Variants in GAREM1 observed in about 807,000 individuals in gnomAD.
The protein encoded by GAREM1 is GRB2 associated regulator of MAPK1 subtype 1, also known as GRB2-associated and regulator of MAPK protein 1.
GAREM1 carries 26 observed loss-of-function variants against 71.3 expected under a neutral mutation model. The ratio of observed to expected loss-of-function variants is 0.36; its 90% CI spans 0.27 to 0.51. The LOEUF is 0.51. GAREM1 is among the 20% of genes least tolerant of loss of function. The pLI, the probability that GAREM1 is intolerant of heterozygous loss-of-function variation, is 0.95. For synonymous variants in GAREM1, 440 were observed against 433.2 expected, an observed-to-expected ratio of 1.02 and a Z score of -0.20; for missense variants, 1,026 against 1,103.1, an observed-to-expected ratio of 0.93 and a Z score of 0.99.
At chr18:32,322,273 C>T (rs1413106630) in intron 2 of GAREM1, among the ~76,000 whole-genome samples, 1 of 152,058 alleles carries the variant, frequency 6.6e-6, no homozygotes, top group Non-Finnish European at 1.5e-5. Context: ...AGAGGTGGTA[C>T]AGAATAGATT....
chr18:32,324,116 G>A (rs1206786762), intron 2 of GAREM1, among the ~76,000 whole-genome samples: 1 of 152,166 alleles, frequency 6.6e-6, no homozygotes, highest in African/African-American at 2.4e-5. Context: ...CTAAAGCTAC[G>A]CTGCCACCGT....
At chr18:32,270,407 G>A (rs1236179943) in intron 4 of GAREM1, 24 bp from the exon 5 acceptor site, 5 of 1,589,518 alleles carry the variant, frequency 3.1e-6, no homozygotes, top group Non-Finnish European at 4.3e-6. Flanking sequence ...GAACACTCCA[G>A]GTTAGCAACA....
chr18:32,356,884 C>T (rs1174885776), intron 2 of GAREM1, among the ~76,000 whole-genome samples: 7 of 152,218 alleles, frequency 4.6e-5, no homozygotes, highest in Admixed American at 1.3e-4. Flanking sequence ...GCTGTTTAAC[C>T]GCCACCCTCC....
rs564561369 is a variant in GAREM1 at position 32,419,537 on chromosome 18, T to C, written c.122-26502A>G. On this transcript the variant is annotated intron_variant, in intron 1 of 5. Coordinates refer to ENST00000269209, the MANE Select transcript of GAREM1 (RefSeq NM_001242409.2). ...GGCCCTCACCAGAACCTGACCATAC[T>C]GGCACTGTGATCCTGGAATGCCAGC... is the stretch of plus-strand genomic sequence containing the variant. Among the ~76,000 whole-genome samples the C allele has an allele frequency of 8.7e-4, 132 of 152,252 alleles. No homozygotes were observed. The South Asian group carries it at 9.9e-3, about 11-fold the overall frequency.
chr18:32,336,903 G>A (rs1015654625), intron 2 of GAREM1, among the ~76,000 whole-genome samples: 5 of 152,140 alleles, frequency 3.3e-5, no homozygotes, highest in African/African-American at 9.7e-5. Context: ...AGGTTGTTAC[G>A]AGGATTAAAT....
chr18:32,442,963 T>G (rs996980475), intron 1 of GAREM1, among the ~76,000 whole-genome samples: 3 of 152,176 alleles, frequency 2.0e-5, no homozygotes, highest in Non-Finnish European at 4.4e-5. Context: ...AATAACTCTA[T>G]GTCAGTAAGT....
At chr18:32,417,427 C>T (rs181664263) in intron 1 of GAREM1, among the ~76,000 whole-genome samples, 6 of 152,284 alleles carry the variant, frequency 3.9e-5, no homozygotes, top group Admixed American at 2.0e-4. Context: ...GCCCATGTTT[C>T]CTGCAGCTCT....
intron 1 of GAREM1, among the ~76,000 whole-genome samples, chr18:32,439,028 A>G (rs563890312): frequency 4.3e-4 from 65 of 152,268 alleles, no homozygotes; most frequent in African/African-American, 1.5e-3. Context: ...GTATATACTG[A>G]TCCTCAATCT....
chr18:32,314,961 C>T (rs1197884615), intron 2 of GAREM1, among the ~76,000 whole-genome samples: 1 of 152,102 alleles, frequency 6.6e-6, no homozygotes, highest in Non-Finnish European at 1.5e-5. Context: ...GGTATACTTT[C>T]ATGAAAACCT....
chr18:32,353,971 A>G (rs145640116), intron 2 of GAREM1, among the ~76,000 whole-genome samples: 73 of 152,348 alleles, frequency 4.8e-4, no homozygotes, highest in African/African-American at 1.6e-3. Flanking sequence ...AGATGATTAC[A>G]AATAAAAGAT....
chr18:32,306,422 T>C (rs754025011), intron 3 of GAREM1, among the ~76,000 whole-genome samples: 3 of 152,026 alleles, frequency 2.0e-5, no homozygotes, highest in Non-Finnish European at 4.4e-5. Context: ...AATCCTTTGT[T>C]ATGGGAGCCT....
At chr18:32,350,543 G>A (rs1172086645) in intron 2 of GAREM1, among the ~76,000 whole-genome samples, 1 of 152,056 alleles carries the variant, frequency 6.6e-6, no homozygotes, top group Non-Finnish European at 1.5e-5. Flanking sequence ...TCAAACTTAT[G>A]ATATTTCTGA....
intron 1 of GAREM1, among the ~76,000 whole-genome samples, chr18:32,422,446 G>C (rs1035952534): frequency 6.6e-6 from 1 of 152,056 alleles, no homozygotes; most frequent in Non-Finnish European, 1.5e-5. Flanking sequence ...TTTCGTATTT[G>C]TAGGTCTGCC....
At chr18:32,275,415 T>C (rs2041526929) in intron 4 of GAREM1, among the ~76,000 whole-genome samples, 1 of 152,184 alleles carries the variant, frequency 6.6e-6, no homozygotes, top group Non-Finnish European at 1.5e-5. Context: ...GAGCTGGCGT[T>C]CTGTTTTGAG....
intron 3 of GAREM1, among the ~76,000 whole-genome samples, chr18:32,299,297 G>A (rs2047175410): frequency 1.3e-5 from 2 of 151,876 alleles, no homozygotes; most frequent in Admixed American, 1.3e-4. Flanking sequence ...GGCGGATCAC[G>A]AGGTCAGGAG....
intron 1 of GAREM1, among the ~76,000 whole-genome samples, chr18:32,450,211 G>A (rs574769838): frequency 1.1e-4 from 16 of 152,252 alleles, no homozygotes; most frequent in African/African-American, 3.6e-4. Context: ...CTTCTGTTCC[G>A]ACTGTAACGG....
intron 1 of GAREM1, among the ~76,000 whole-genome samples, chr18:32,418,487 C>T (rs921149632): frequency 6.6e-6 from 1 of 152,130 alleles, no homozygotes; most frequent in Non-Finnish European, 1.5e-5. Flanking sequence ...CAGACCCACT[C>T]CAAAGGATAA....
At position 32,268,285 on chromosome 18, in the gene GAREM1, G is replaced by A. The variant is rs145805585; in HGVS notation, c.2217C>T (p.Ser739=). ...APKLVEEKVA[S]ETSPLPLKID... is the part of the protein sequence containing the mutation. ...TTTTCAGAGGCAAAGGAGATGTTTC[G>A]GAGGCGACCTTCTCTTCCACTAGTT... The change falls in exon 6 of 6, where the codon TCC becomes TCT. Residue 739 remains serine (S), a synonymous_variant. Coordinates refer to ENST00000269209, the MANE Select transcript of GAREM1 (RefSeq NM_001242409.2). 1.9e-5 allele frequency: 30 copies of A among 1,614,088 alleles called. No homozygotes were observed. The highest frequency in any genetic ancestry group is 1.6e-4 in the Middle Eastern group (1 of 6,062).
At chr18:32,272,982 G>T (rs1439359748) in intron 4 of GAREM1, among the ~76,000 whole-genome samples, 1 of 152,178 alleles carries the variant, frequency 6.6e-6, no homozygotes, top group Admixed American at 6.5e-5. Flanking sequence ...TCTTGTTAGT[G>T]AACTGCACGG....
Sources: gnomAD v4.1 joint callset for allele counts (sites outside exome capture counted in the v4.1 genomes callset) on GRCh38, gnomAD v4.1.1 for gene constraint, MANE v1.5 for transcripts, NCBI Gene and HGNC (gene_info 2026-07-23, HGNC 2026-07-21) for gene names.